The following SLC28A1 variants were observed in gnomAD, a reference collection of about 807,000 sequenced individuals.
The protein encoded by SLC28A1 is solute carrier family 28 member 1, also known as sodium/nucleoside cotransporter 1.
Under a neutral mutation model 74.8 loss-of-function variants are expected in SLC28A1, and 64 were observed. That is an observed-to-expected ratio of 0.86 (90% CI 0.70 to 1.05). SLC28A1 has a LOEUF of 1.05. Ranked by LOEUF, SLC28A1 falls within the 50% of genes least tolerant of loss-of-function variation. The pLI, the probability that SLC28A1 is intolerant of heterozygous loss-of-function variation, is 0.00. For synonymous variants in SLC28A1, 359 were observed against 335.0 expected, an observed-to-expected ratio of 1.07 and a Z score of -0.78; for missense variants, 828 against 822.8, an observed-to-expected ratio of 1.01 and a Z score of -0.08.
chr15:84,966,928 T>G, the SLC28A1 span, among the ~76,000 whole-genome samples: 2 of 152,052 alleles, frequency 1.3e-5, no homozygotes, highest in Non-Finnish European at 2.9e-5. Context: ...CATGCCACCA[T>G]GCCCAGCTAA....
chr15:84,888,940 C>T (rs980494687), intron 4 of SLC28A1, 80 bp downstream of exon 4: 22 of 995,720 alleles, frequency 2.2e-5, no homozygotes, highest in Middle Eastern at 2.1e-4. Context: ...GGCCTCCTGG[C>T]GGATGGGAGT....
chr15:84,937,597 GT>G (rs1168171968), intron 15 of SLC28A1, among the ~76,000 whole-genome samples: 1 of 152,126 alleles, frequency 6.6e-6, no homozygotes, highest in African/African-American at 2.4e-5. Context: ...GGGACTCTAG[GT>G]TTTTTAAAAA....
At chr15:84,906,540 CT>C (rs1436095625) in intron 8 of SLC28A1, among the ~76,000 whole-genome samples, 9 of 54,332 alleles carry the variant, frequency 1.7e-4, no homozygotes, top group African/African-American at 4.4e-4. Flanking sequence ...TTCTTTCTTT[CT>C]TTCTTTCTTT....
chr15:84,946,263 C>T (rs1231831203), downstream of SLC28A1, among the ~76,000 whole-genome samples: 1 of 150,154 alleles, frequency 6.7e-6, no homozygotes, highest in East Asian at 1.9e-4. Flanking sequence ...CCCATAAGAA[C>T]CTTTTTGATG....
chr15:84,934,271 C>T (rs1175639977), intron 13 of SLC28A1, among the ~76,000 whole-genome samples: 1 of 152,168 alleles, frequency 6.6e-6, no homozygotes, highest in Non-Finnish European at 1.5e-5. Flanking sequence ...GGGAGTGTGG[C>T]CTGGTTCTTG....
rs369230284 is a variant in SLC28A1, at chr15:84,929,376, C to G, written c.1084-3769C>G. ...CCTGGGCAACATGGAGAAACCCTGT[C>G]TCTACAAAAATACAAAAATTAGCCA... On this transcript the variant is annotated intron_variant, in intron 12 of 18. Coordinates refer to ENST00000394573, the MANE Select transcript of SLC28A1 (RefSeq NM_004213.5). 3.6e-3 allele frequency among the ~76,000 whole-genome samples: 544 copies of G among 152,004 alleles called. 5 individuals are homozygous for G. Among genetic ancestry groups the G allele is most frequent in the African/African-American group, 0.013 (523 of 41,434 alleles).
At position 84,887,788 on chromosome 15, in the gene SLC28A1, G is replaced by C. The variant is rs756890035; in HGVS notation, c.28G>C (p.Glu10Gln). 14 of 1,614,170 alleles carry C rather than the reference G, an allele frequency of 8.7e-6. No homozygotes were observed. The East Asian group carries it at 2.9e-4, about 33-fold the overall frequency. ...GGAGAACGACCCCTCGAGACGAAGA[G>C]AGTCCATCTCTCTCACACCTGTGGC... MENDPSRRR[E>Q]SISLTPVAKG... Residue 10 changes from glutamate to glutamine, a missense_variant, in exon 3 of 19, where the codon GAG becomes CAG. Around this residue, in one of 3 missense-constraint regions of SLC28A1, gnomAD observed 767 missense variants for 753.5 expected, o/e 1.02. Coordinates refer to ENST00000394573, the MANE Select transcript of SLC28A1 (RefSeq NM_004213.5).
At chr15:84,938,290 A>G (rs1972191931) in intron 15 of SLC28A1, 1 of 147,800 alleles carries the variant, frequency 6.8e-6, no homozygotes, top group African/African-American at 2.5e-5. Flanking sequence ...CCCTCCTCAG[A>G]GATTAATAGA....
At chr15:84,935,294 G>T (rs1434820073) in intron 14 of SLC28A1, 27 bp from the exon 15 acceptor site, 2 of 1,613,728 alleles carry the variant, frequency 1.2e-6, no homozygotes, top group Non-Finnish European at 1.7e-6. Context: ...CCAGCCCTCG[G>T]TGCCAGCCAT....
intron 9 of SLC28A1, among the ~76,000 whole-genome samples, chr15:84,914,465 A>G (rs910129132): frequency 1.3e-5 from 2 of 152,228 alleles, no homozygotes; most frequent in African/African-American, 2.4e-5. Context: ...CCCAAGGGGC[A>G]TGGCAGGACC....
At chr15:84,885,918 A>T (rs1318188604) in intron 1 of SLC28A1, among the ~76,000 whole-genome samples, 1 of 152,178 alleles carries the variant, frequency 6.6e-6, no homozygotes, top group Non-Finnish European at 1.5e-5. Flanking sequence ...TTTCAAAAAG[A>T]GGGGGTGTCC....
the SLC28A1 span, among the ~76,000 whole-genome samples, chr15:84,967,936 AG>A: frequency 1.3e-5 from 2 of 152,142 alleles, no homozygotes; most frequent in African/African-American, 2.4e-5. Flanking sequence ...CTCGGGCAAA[AG>A]AAGGGCTAAG....
the SLC28A1 span, among the ~76,000 whole-genome samples, chr15:84,956,232 C>T: frequency 6.6e-6 from 1 of 152,092 alleles, no homozygotes; most frequent in Non-Finnish European, 1.5e-5. Context: ...TTCATACCAC[C>T]CCATATTCCA....
intron 15 of SLC28A1, among the ~76,000 whole-genome samples, chr15:84,936,105 A>G (rs534604048): frequency 9.8e-4 from 146 of 149,466 alleles, no homozygotes; most frequent in Admixed American, 2.0e-3. Context: ...ACAGGCGCCC[A>G]CCACCGCGCC....
intron 8 of SLC28A1, among the ~76,000 whole-genome samples, chr15:84,906,577 C>T (rs62021373): frequency 0.021 from 685 of 32,048 alleles, 36 homozygotes; most frequent in Admixed American, 0.12. Context: ...TTTCTTTCTT[C>T]CTTCCTTCCT....
At chr15:84,886,150 A>G (rs1461642856) in intron 1 of SLC28A1, 3 of 985,282 alleles carry the variant, frequency 3.0e-6, no homozygotes, top group East Asian at 1.1e-4. Context: ...TTTAACAAAG[A>G]TGAAATGAAG....
the SLC28A1 span, among the ~76,000 whole-genome samples, chr15:84,951,275 C>T: frequency 6.6e-6 from 1 of 151,860 alleles, no homozygotes; most frequent in African/African-American, 2.4e-5. Flanking sequence ...TGGTGAAACC[C>T]CTTCGAGAAA....
At chr15:84,926,802 A>AGGGGGGGGGGGGGGTGGGGGGGG (rs544419272) in intron 12 of SLC28A1, among the ~76,000 whole-genome samples, 1 of 108,102 alleles carries the variant, frequency 9.3e-6, no homozygotes, top group Non-Finnish European at 1.8e-5. Context: ...GGGTGGGGGG[A>AGGGGGGGGGGGGGGTGGGGGGGG]GGGGGGGGGT....
At chr15:84,928,323 A>G (rs551935662) in intron 12 of SLC28A1, among the ~76,000 whole-genome samples, 8 of 151,564 alleles carry the variant, frequency 5.3e-5, no homozygotes, top group African/African-American at 1.9e-4. Flanking sequence ...CTTCCCTTCA[A>G]TCTCTGGGTC....
Sources: allele counts gnomAD v4.1 joint callset (sites outside exome capture counted in the v4.1 genomes callset), GRCh38; gene constraint gnomAD v4.1.1; regional missense constraint gnomAD v4.1.1; transcripts MANE v1.5; gene names NCBI Gene and HGNC (gene_info 2026-07-23, HGNC 2026-07-21).